The following TCIRG1 variants were observed in gnomAD, a reference collection of about 807,000 sequenced individuals.
TCIRG1 encodes the protein V-type proton ATPase 116 kDa subunit a 3.
TCIRG1 carries 86 observed loss-of-function variants against 95.5 expected under a neutral mutation model. The observed-to-expected ratio is 0.90, with a 90% CI of 0.76 to 1.08. The LOEUF (loss-of-function observed/expected upper bound fraction) is 1.08, where lower values mean the gene tolerates loss of function less well. Ranked by LOEUF, TCIRG1 falls within the 50% of genes least tolerant of loss-of-function variation. The probability of loss-of-function intolerance (pLI) is 0.00; values close to 1 mark genes in which losing one functional copy is unlikely to be tolerated. For missense variants in TCIRG1, 1,069 were observed against 1,140.2 expected (o/e 0.94, Z 0.90); for synonymous variants, 499 against 501.3 (o/e 1.00, Z 0.06).
downstream of TCIRG1, chr11:68,052,524 CTG>C (rs1485891994): frequency 6.6e-6 from 1 of 152,294 alleles, no homozygotes; most frequent in African/African-American, 2.4e-5. Flanking sequence ...CTGCTTAAAA[CTG>C]TAACTCTCTA....
intron 15 of TCIRG1, 88 bp from the exon 16 acceptor site, chr11:68,049,575 C>G: frequency 6.5e-7 from 1 of 1,532,356 alleles, no homozygotes. Flanking sequence ...CGACCGCAGG[C>G]TCTCTGGGCC....
chr11:68,043,224 C>T (rs1388699764), intron 5 of TCIRG1, 147 bp from the exon 6 acceptor site: 22 of 1,474,620 alleles, frequency 1.5e-5, no homozygotes, highest in South Asian at 9.5e-5. Flanking sequence ...TGGTCCTGCC[C>T]GGGAGGCCTC....
Position 68,047,272 on chromosome 11 carries a change from C to T in TCIRG1, c.1166-161C>T, listed in dbSNP as rs1444626820. Among the ~76,000 whole-genome samples, 8 of 107,458 alleles carry T rather than the reference C, an allele frequency of 7.4e-5. No homozygotes were observed. In the East Asian group the frequency reaches 2.5e-3, roughly 33 times the overall value. 70.5% of individuals were successfully genotyped at this position (107,458 alleles called of 152,430 possible). On this transcript the variant is annotated intron_variant, in intron 10 of 19. Transcript: ENST00000265686. ...GTGATGCCCCCCCCCCCCCCCGTCT[C>T]GGCCTCCCAGAGTGCTGGGATTACA... is the stretch of plus-strand genomic sequence containing the variant.
At position 68,050,572 on chromosome 11, in the gene TCIRG1, C is replaced by G. The variant is rs1375561345; in HGVS notation, c.2322C>G (p.Val774=). The change falls in exon 19 of 20, where the codon GTC becomes GTG. Residue 774 remains valine, a synonymous_variant. Transcript: ENST00000265686. ...REVGVAAVVL[V]PIFAAFAVMT... ...TGGGCGTGGCGGCTGTGGTGCTGGT[C>G]CCCATCTTTGCCGCCTTTGCCGTGA... 1.2e-5 allele frequency: 19 copies of G among 1,613,486 alleles called. No individual in the cohort carries two copies. The highest frequency in any genetic ancestry group is 1.5e-5 in the Non-Finnish European group (18 of 1,180,028).
downstream of TCIRG1, among the ~76,000 whole-genome samples, chr11:68,051,111 T>C (rs1166126438): frequency 6.6e-6 from 1 of 152,194 alleles, no homozygotes; most frequent in Non-Finnish European, 1.5e-5. Context: ...CCAGGCCGGG[T>C]CAGGGGAGTG....
At chr11:68,050,386 G>A (rs1410013060) in intron 18 of TCIRG1, 101 bp from the exon 19 acceptor site, 102 of 1,606,372 alleles carry the variant, frequency 6.3e-5, no homozygotes, top group Non-Finnish European at 8.1e-5. Flanking sequence ...GAGGTCCCTC[G>A]CTGGCCCCCC....
rs780172917 is a variant in TCIRG1 at position 68,044,863 on chromosome 11, C to T, written c.1021-95C>T. The T allele has an allele frequency of 2.6e-6, 4 of 1,513,006 alleles. No homozygotes were observed. In the East Asian group the frequency reaches 6.9e-5, roughly 26 times the overall value. The allele number at this position is 1,513,006 out of a possible 1,614,324, so 93.7% of individuals were successfully genotyped here. On this transcript the variant is annotated intron_variant, in intron 9 of 19. Transcript: ENST00000265686. ...GAAGGGGCTGCCCAGTGAGCCCCCA[C>T]AGGGCTCTACATCTCCAGCTGGGCC...
intron 15 of TCIRG1, 129 bp downstream of exon 15, chr11:68,049,423 C>A (rs1855678425): frequency 3.7e-6 from 4 of 1,076,846 alleles, no homozygotes; most frequent in Non-Finnish European, 4.0e-6. Flanking sequence ...GCAGACAGGG[C>A]CGTCAGAGGT....
In TCIRG1 at chr11:68,047,415, A is replaced by G; in HGVS notation, c.1166-18A>G. 6.2e-7 allele frequency: 1 copy of G among 1,612,628 alleles called. No homozygotes were observed. Among genetic ancestry groups the G allele is most frequent in the East Asian group, 2.2e-5 (1 of 44,752 alleles). Reference sequence around the variant, plus strand: ...TGGTGTGTTCGGGGGTTCCCAGCTCACCCACCTCTGCCCACAGCTCCCTAC... The same window carrying G: ...TGGTGTGTTCGGGGGTTCCCAGCTCGCCCACCTCTGCCCACAGCTCCCTAC... On this transcript the variant is annotated intron_variant, in intron 10 of 19. Coordinates refer to ENST00000265686, the MANE Select transcript of TCIRG1 (RefSeq NM_006019.4).
rs1236221272 is a variant in TCIRG1, at chr11:68,048,968, T to TG, written c.1648dup (p.Val550GlyfsTer120). 1 of 1,613,742 alleles carries TG rather than the reference T, an allele frequency of 6.2e-7. No individual in the cohort carries two copies. Among genetic ancestry groups the TG allele is most frequent in the Non-Finnish European group, 8.5e-7 (1 of 1,180,008 alleles). On this transcript the variant is annotated frameshift_variant, in exon 14 of 20. Coordinates refer to ENST00000265686, the MANE Select transcript of TCIRG1 (RefSeq NM_006019.4). LOFTEE classifies it high-confidence loss of function. The stretch of plus-strand genomic sequence containing the variant: ...TCCTGGGCGTCGTGCACATGGCCTT[T>TG]GGGGTGGTCCTCGGAGTCTTCAACC...
Position 68,045,097 on chromosome 11 carries a change from AC to A in TCIRG1, c.1164del (p.Ala389LeufsTer14), listed in dbSNP as rs747421492. The A allele has an allele frequency of 1.2e-6, 2 of 1,601,050 alleles. No homozygotes were observed. Among genetic ancestry groups the A allele is most frequent in the Admixed American group, 1.7e-5 (1 of 60,022 alleles). Reference protein sequence around the residue: ...AYGVGRYQEVNPAPYTIITFP... With the variant: ...AYGVGRYQEVXPAPYTIITFP... ...GGCGTGGGCCGCTACCAGGAGGTCAACCCCGGTGAGAGCCACGGCATCCTTA... is the reference window on the plus strand; with the variant it reads ...GGCGTGGGCCGCTACCAGGAGGTCAACCCGGTGAGAGCCACGGCATCCTTA... On this transcript the variant is annotated frameshift_variant, in exon 10 of 20. Transcript: ENST00000265686. LOFTEE classifies it high-confidence loss of function.
chr11:68,049,653 T>G lies in TCIRG1; in HGVS notation c.1888-10T>G. ...CAGGGACGCCCTGACTCTCGCCCTCTCCCTGGCAGGAGGTGGTCCAGGCCA... is the reference window on the plus strand; with the variant it reads ...CAGGGACGCCCTGACTCTCGCCCTCGCCCTGGCAGGAGGTGGTCCAGGCCA... On this transcript the variant is annotated splice_polypyrimidine_tract_variant and intron_variant, in intron 15 of 19. Coordinates refer to ENST00000265686, the MANE Select transcript of TCIRG1 (RefSeq NM_006019.4). 4 of 1,599,694 alleles carry G rather than the reference T, an allele frequency of 2.5e-6. No individual in the cohort carries two copies. Among genetic ancestry groups the G allele is most frequent in the Non-Finnish European group, 3.4e-6 (4 of 1,179,108 alleles).
At chr11:68,040,768 C>G (rs193227049) in intron 1 of TCIRG1, among the ~76,000 whole-genome samples, 12 of 152,222 alleles carry the variant, frequency 7.9e-5, no homozygotes, top group Admixed American at 4.6e-4. Flanking sequence ...ACAGCCCCCC[C>G]ACAGCAGTGC....
intron 3 of TCIRG1, 95 bp downstream of exon 3, chr11:68,041,926 G>A: frequency 9.0e-7 from 1 of 1,110,310 alleles, no homozygotes; most frequent in Non-Finnish European, 1.3e-6. Flanking sequence ...TTGCCAGGTG[G>A]AAGGCAGAGA....
Position 68,042,710 on chromosome 11 carries a change from A to AC in TCIRG1, c.269dup (p.Pro91ThrfsTer47). 6 of 1,545,836 alleles carry AC rather than the reference A, an allele frequency of 3.9e-6. No individual in the cohort carries two copies. The highest frequency in any genetic ancestry group is 5.2e-6 in the Non-Finnish European group (6 of 1,145,636). ...CCCCGCCAAAGGGGAGGCTGCCGGC[A>AC]CCCCCACCCCGGGACCTGCTGCGCA... On this transcript the variant is annotated frameshift_variant, in exon 4 of 20. Transcript: ENST00000265686. LOFTEE classifies it high-confidence loss of function.
At chr11:68,053,370 A>T (rs1304565616), downstream of TCIRG1, 1 of 152,636 alleles carries the variant, frequency 6.6e-6, no homozygotes, top group Admixed American at 6.5e-5. Context: ...AGGAGGGGAG[A>T]GCTCTGCTCC....
intron 17 of TCIRG1, 35 bp downstream of exon 17, chr11:68,050,101 G>A: frequency 6.2e-7 from 1 of 1,612,138 alleles, no homozygotes; most frequent in Non-Finnish European, 8.5e-7. Flanking sequence ...TGGGACGGCT[G>A]AGGCCCTGCC....
At chr11:68,051,563 A>G (rs915669051), downstream of TCIRG1, among the ~76,000 whole-genome samples, 1 of 152,230 alleles carries the variant, frequency 6.6e-6, no homozygotes, top group African/African-American at 2.4e-5. Flanking sequence ...ACAAGCTGCA[A>G]AGTGGTTCTT....
At chr11:68,041,492 C>T (rs1377699758) in intron 2 of TCIRG1, 104 bp downstream of exon 2, 2 of 907,718 alleles carry the variant, frequency 2.2e-6, no homozygotes, top group Non-Finnish European at 3.5e-6. Context: ...GCCCTGGCCC[C>T]ATTTGAACCC....
Sources: allele counts gnomAD v4.1 joint callset (sites outside exome capture counted in the v4.1 genomes callset), GRCh38; gene constraint gnomAD v4.1.1; transcripts MANE v1.5; gene names NCBI Gene and HGNC (gene_info 2026-07-23, HGNC 2026-07-21).